Variants in PPP1R14C observed in about 807,000 individuals in gnomAD.
PPP1R14C encodes protein phosphatase 1 regulatory inhibitor subunit 14C, also known as protein phosphatase 1 regulatory subunit 14C.
Under a neutral mutation model 20.4 loss-of-function variants are expected in PPP1R14C, and 16 were observed. The observed-to-expected ratio is 0.78, with a 90% CI of 0.53 to 1.19. PPP1R14C has a LOEUF of 1.19. PPP1R14C is among the 50% of genes most tolerant of loss of function. The pLI is 0.00. For synonymous variants in PPP1R14C, 91 were observed against 91.0 expected, an observed-to-expected ratio of 1.00 and a Z score of 0.00; for missense variants, 211 against 220.1, an observed-to-expected ratio of 0.96 and a Z score of 0.26.
At chr6:150,204,996 C>CTTTTTTTTT (rs10683235) in intron 1 of PPP1R14C, among the ~76,000 whole-genome samples, 2 of 143,330 alleles carry the variant, frequency 1.4e-5, no homozygotes, top group Non-Finnish European at 1.5e-5. Flanking sequence ...AACTCAGAGT[C>CTTTTTTTTT]TTTTTTTTTT....
Position 150,180,854 on chromosome 6 carries a change from G to A in PPP1R14C, c.307-33890G>A, listed in dbSNP as rs138050984. Among the ~76,000 whole-genome samples, 408 of 152,290 alleles carry A rather than the reference G, an allele frequency of 2.7e-3. 2 individuals carry two copies. The highest frequency in any genetic ancestry group is 9.4e-3 in the African/African-American group (389 of 41,558). Reference sequence around the variant, plus strand: ...ATGATGACCCTGGACTACATCAGCAGGTCTGACAGGGGCTCTAGACAAAAT... The same window carrying A: ...ATGATGACCCTGGACTACATCAGCAAGTCTGACAGGGGCTCTAGACAAAAT... On this transcript the variant is annotated intron_variant, in intron 1 of 3. Transcript: ENST00000361131.
At chr6:150,197,469 C>T (rs1777818923) in intron 1 of PPP1R14C, among the ~76,000 whole-genome samples, 1 of 152,232 alleles carries the variant, frequency 6.6e-6, no homozygotes, top group South Asian at 2.1e-4. Flanking sequence ...ATATTCGCTG[C>T]CGGCCTGGGG....
intron 1 of PPP1R14C, among the ~76,000 whole-genome samples, chr6:150,196,586 C>G (rs1227457056): frequency 6.6e-6 from 1 of 152,084 alleles, no homozygotes; most frequent in Non-Finnish European, 1.5e-5. Context: ...ACACCTCTTT[C>G]TGGGAATGGA....
intron 1 of PPP1R14C, among the ~76,000 whole-genome samples, chr6:150,189,149 G>A (rs140594258): frequency 0.016 from 2,384 of 152,224 alleles, 59 homozygotes; most frequent in African/African-American, 0.055. Context: ...GTGAGCCACC[G>A]CACCTGGCCC....
chr6:150,189,471 A>C (rs1169849490), intron 1 of PPP1R14C, among the ~76,000 whole-genome samples: 2 of 151,610 alleles, frequency 1.3e-5, no homozygotes, highest in Non-Finnish European at 2.9e-5. Flanking sequence ...CTGTTATTGG[A>C]TTTGAGCGAG....
At chr6:150,191,673 A>G (rs1003738386) in intron 1 of PPP1R14C, among the ~76,000 whole-genome samples, 1 of 152,226 alleles carries the variant, frequency 6.6e-6, no homozygotes, top group Non-Finnish European at 1.5e-5. Flanking sequence ...GTGTCAAGTC[A>G]TCTTTTATGC....
chr6:150,147,607 C>T (rs1458643085), intron 1 of PPP1R14C, among the ~76,000 whole-genome samples: 1 of 152,190 alleles, frequency 6.6e-6, no homozygotes, highest in Non-Finnish European at 1.5e-5. Flanking sequence ...AACATCTGTA[C>T]TTCCAGTTTT....
At chr6:150,152,059 G>C (rs1349484735) in intron 1 of PPP1R14C, among the ~76,000 whole-genome samples, 2 of 148,362 alleles carry the variant, frequency 1.3e-5, no homozygotes, top group African/African-American at 5.0e-5. Context: ...GGCGGAGCTT[G>C]CAGTGAGCCG....
At chr6:150,227,294 A>G (rs1778241814) in intron 3 of PPP1R14C, among the ~76,000 whole-genome samples, 1 of 152,194 alleles carries the variant, frequency 6.6e-6, no homozygotes, top group Non-Finnish European at 1.5e-5. Flanking sequence ...GTGTGCCTGT[A>G]ACTAATCTAG....
chr6:150,171,668 A>G (rs76762224), intron 1 of PPP1R14C, among the ~76,000 whole-genome samples: 2,239 of 152,276 alleles, frequency 0.015, 66 homozygotes, highest in African/African-American at 0.049. Flanking sequence ...TTCTCATGCA[A>G]ACAGCCTGAT....
intron 3 of PPP1R14C, among the ~76,000 whole-genome samples, chr6:150,220,617 A>C (rs925179353): frequency 7.1e-4 from 108 of 152,248 alleles, no homozygotes; most frequent in Non-Finnish European, 5.9e-5. Context: ...TAATTTCATC[A>C]ATCCCTTTTT....
chr6:150,202,681 G>C (rs1777893280), intron 1 of PPP1R14C, among the ~76,000 whole-genome samples: 1 of 152,188 alleles, frequency 6.6e-6, no homozygotes, highest in Non-Finnish European at 1.5e-5. Context: ...GAGGACCTGG[G>C]TGTGCCTCAG....
chr6:150,151,341 C>A (rs1777244900), intron 1 of PPP1R14C, among the ~76,000 whole-genome samples: 1 of 152,118 alleles, frequency 6.6e-6, no homozygotes, highest in Non-Finnish European at 1.5e-5. Flanking sequence ...GTTGTCCCAG[C>A]CCAAGATTAC....
At chr6:150,164,794 C>A (rs185077497) in intron 1 of PPP1R14C, 5 of 152,304 alleles carry the variant, frequency 3.3e-5, no homozygotes, top group Admixed American at 1.3e-4. Context: ...TGTTTATATC[C>A]CCCTAAAATT....
At chr6:150,180,403 C>T (rs9384224) in intron 1 of PPP1R14C, among the ~76,000 whole-genome samples, 4,099 of 152,294 alleles carry the variant, frequency 0.027, 118 homozygotes, top group East Asian at 0.09. Context: ...GCTACTTCAT[C>T]TGTAAGATGG....
At chr6:150,196,401 C>CAGACATAAAAGTAGT (rs1251712419) in intron 1 of PPP1R14C, among the ~76,000 whole-genome samples, 3 of 151,992 alleles carry the variant, frequency 2.0e-5, no homozygotes, top group Admixed American at 2.0e-4. Context: ...CAATATTTAG[C>CAGACATAAAAGTAGT]AGAAGTAGTA....
rs1332834076 is a variant in PPP1R14C at position 150,249,207 on chromosome 6, T to TAAG, written c.*388_*390dup. On this transcript the variant is annotated 3_prime_UTR_variant, in exon 4 of 4. Coordinates refer to ENST00000361131, the MANE Select transcript of PPP1R14C (RefSeq NM_030949.3). ...AGTAGTTTGGTAATATTTTTTTTCT[T>TAAG]AAGTTGTACATTTGACTCAGCTGTC... 1.5e-5 allele frequency: 6 copies of TAAG among 399,370 alleles called. No individual in the cohort carries two copies. The East Asian group carries it at 2.1e-4, about 14-fold the overall frequency. 24.7% of individuals were successfully genotyped at this position (399,370 alleles called of 1,614,324 possible).
chr6:150,229,491 G>T (rs1328527576), intron 3 of PPP1R14C, among the ~76,000 whole-genome samples: 1 of 152,170 alleles, frequency 6.6e-6, no homozygotes, highest in South Asian at 2.1e-4. Flanking sequence ...CTAGGGGAGG[G>T]TTAATGAACT....
intron 1 of PPP1R14C, among the ~76,000 whole-genome samples, chr6:150,212,968 C>T (rs1435444192): frequency 6.6e-6 from 1 of 152,216 alleles, no homozygotes; most frequent in East Asian, 1.9e-4. Flanking sequence ...CATCCTTCAG[C>T]TTTATTATCA....
Sources: gnomAD v4.1 joint callset for allele counts (sites outside exome capture counted in the v4.1 genomes callset) on GRCh38, gnomAD v4.1.1 for gene constraint, MANE v1.5 for transcripts, NCBI Gene and HGNC (gene_info 2026-07-23, HGNC 2026-07-21) for gene names.